Variants in MAP2K5 observed in about 807,000 individuals in gnomAD.
MAP2K5 encodes the protein mitogen-activated protein kinase kinase 5.
Under a neutral mutation model 83.1 loss-of-function variants are expected in MAP2K5, and 49 were observed. The ratio of observed to expected loss-of-function variants is 0.59; its 90% CI spans 0.47 to 0.75. The LOEUF is 0.75. Among genes scored for constraint, MAP2K5 ranks in the 30% least tolerant of loss-of-function variants. The pLI, the probability that MAP2K5 is intolerant of heterozygous loss-of-function variation, is 0.00. For synonymous variants in MAP2K5, 202 were observed against 191.8 expected, an observed-to-expected ratio of 1.05 and a Z score of -0.44; for missense variants, 457 against 557.5, an observed-to-expected ratio of 0.82 and a Z score of 1.82.
chr15:67,549,976 C>T, intron 1 of MAP2K5, 58 bp from the exon 2 acceptor site: 2 of 1,276,140 alleles, frequency 1.6e-6, no homozygotes, highest in Non-Finnish European at 2.3e-6. Flanking sequence ...TAGGATTTGC[C>T]ACATGTTAGC....
At chr15:67,615,031 C>T (rs906019305) in intron 8 of MAP2K5, among the ~76,000 whole-genome samples, 7 of 151,858 alleles carry the variant, frequency 4.6e-5, no homozygotes, top group African/African-American at 1.4e-4. Flanking sequence ...GAGTTTTGCT[C>T]TTGTTGCCCA....
In MAP2K5 at chr15:67,635,370, T is replaced by A. The variant is rs1000340840; in HGVS notation, c.585+4443T>A. On this transcript the variant is annotated intron_variant, in intron 9 of 21. Coordinates refer to ENST00000178640, the MANE Select transcript of MAP2K5 (RefSeq NM_145160.3). ...TTTTCTACTTTTAGTAGAGATGGGG[T>A]TTCACCATGTTAGGCAGGATGGTCT... 2.9e-4 allele frequency among the ~76,000 whole-genome samples: 44 copies of A among 151,900 alleles called. 1 individual carries two copies. Among genetic ancestry groups the A allele is most frequent in the African/African-American group, 1.1e-3 (44 of 41,330 alleles).
chr15:67,668,796 T>C lies in MAP2K5; in HGVS notation c.847+4151T>C, dbSNP rs1383167313. On this transcript the variant is annotated intron_variant, in intron 13 of 21. Coordinates refer to ENST00000178640, the MANE Select transcript of MAP2K5 (RefSeq NM_145160.3). This position sits in a 1 kb window ranked among gnomAD's most constrained non-coding sequence, Gnocchi z 4.0. ...ATTGGCAATCATTCTGGGGCCATCT[T>C]ACACAGATGCAGAAGTTTATAGAAG... 6.6e-6 allele frequency among the ~76,000 whole-genome samples: 1 copy of C among 152,064 alleles called. No individual in the cohort carries two copies. The highest frequency in any genetic ancestry group is 1.9e-4 in the East Asian group (1 of 5,194).
intron 8 of MAP2K5, among the ~76,000 whole-genome samples, chr15:67,608,684 A>T (rs1186515438): frequency 1.3e-5 from 2 of 152,054 alleles, no homozygotes; most frequent in African/African-American, 4.8e-5. Context: ...AAAGGGCTCC[A>T]TGACAGCTGA....
chr15:67,670,714 C>A (rs2087509140), intron 13 of MAP2K5, among the ~76,000 whole-genome samples: 1 of 151,388 alleles, frequency 6.6e-6, no homozygotes, highest in Non-Finnish European at 1.5e-5. Context: ...AGCCAGCCAA[C>A]CCCCCCACCC....
intron 12 of MAP2K5, 96 bp downstream of exon 12, chr15:67,658,710 C>G (rs1239231435): frequency 3.6e-6 from 4 of 1,109,536 alleles, no homozygotes; most frequent in Non-Finnish European, 5.4e-6. Context: ...TCTTGTTCTT[C>G]AATCCCAGTT....
chr15:67,556,075 C>T (rs535403390), intron 2 of MAP2K5, among the ~76,000 whole-genome samples: 2 of 152,320 alleles, frequency 1.3e-5, no homozygotes, highest in South Asian at 4.1e-4. Flanking sequence ...CATGAGCCAC[C>T]GTACCTGGCC....
At chr15:67,735,348 T>A (rs183537439) in intron 17 of MAP2K5, among the ~76,000 whole-genome samples, 1 of 152,350 alleles carries the variant, frequency 6.6e-6, no homozygotes, top group East Asian at 1.9e-4. Flanking sequence ...ATATCTGTAT[T>A]TGGCCAGTTA....
At position 67,748,868 on chromosome 15, in the gene MAP2K5, G is replaced by A. The variant is rs943004640; in HGVS notation, c.1134+267G>A. On this transcript the variant is annotated intron_variant, in intron 19 of 21. Transcript: ENST00000178640. This position sits in a 1 kb window ranked among gnomAD's most constrained non-coding sequence, Gnocchi z 4.0. ...AAGACAAAACACAATAATATTAATT[G>A]ACCCTCTCCCTGGCCAGATGGGGAT... Among the ~76,000 whole-genome samples the A allele has an allele frequency of 6.6e-6, 1 of 152,138 alleles. No homozygotes were observed. Among genetic ancestry groups the A allele is most frequent in the Non-Finnish European group, 1.5e-5 (1 of 68,034 alleles).
chr15:67,546,566 G>A lies in MAP2K5; in HGVS notation c.135+3096G>A, dbSNP rs984043802. The stretch of plus-strand genomic sequence containing the variant: ...CATCAGGGACTGGCTGAACTATGGA[G>A]GCTGACCTGACCCTCAAAGGTAGAG... On this transcript the variant is annotated intron_variant, in intron 1 of 21. Transcript: ENST00000178640. The A allele has an allele frequency of 3.0e-6, 3 of 985,230 alleles. No individual in the cohort carries two copies. The African/African-American group carries it at 5.2e-5, about 17-fold the overall frequency. 61.0% of individuals were successfully genotyped at this position (985,230 alleles called of 1,614,324 possible).
At chr15:67,617,933 A>G (rs1220294135) in intron 8 of MAP2K5, among the ~76,000 whole-genome samples, 3 of 152,096 alleles carry the variant, frequency 2.0e-5, no homozygotes, top group Admixed American at 6.6e-5. Flanking sequence ...GACTCAAGCA[A>G]TCCTCCCACC....
In MAP2K5 at chr15:67,563,722, C is replaced by T. The variant is rs1405137595; in HGVS notation, c.252+372C>T. On this transcript the variant is annotated intron_variant, in intron 3 of 21. Coordinates refer to ENST00000178640, the MANE Select transcript of MAP2K5 (RefSeq NM_145160.3). This position sits in a 1 kb window ranked among gnomAD's most constrained non-coding sequence, Gnocchi z 4.5. ...ACTTTCAACTGGAGATCTCTCTCAC[C>T]CTTCCAGACTATAGTTTACAATGTA... Among the ~76,000 whole-genome samples the T allele has an allele frequency of 6.6e-6, 1 of 151,690 alleles. No homozygotes were observed. Among genetic ancestry groups the T allele is most frequent in the Non-Finnish European group, 1.5e-5 (1 of 67,922 alleles).
chr15:67,805,626 G>T (rs1439802613), intron 21 of MAP2K5, among the ~76,000 whole-genome samples: 1 of 152,092 alleles, frequency 6.6e-6, no homozygotes, highest in South Asian at 2.1e-4. Context: ...GGAAGCGGCC[G>T]CTGGACAGGG....
chr15:67,650,515 G>GTTTTTTTTTTTTTTTTTTTT (rs35510441), intron 11 of MAP2K5, among the ~76,000 whole-genome samples: 1 of 144,908 alleles, frequency 6.9e-6, no homozygotes, highest in Non-Finnish European at 1.5e-5. Flanking sequence ...AGTTTGTTGA[G>GTTTTTTTTTTTTTTTTTTTT]TTTTTTTTTT....
At chr15:67,695,770 T>C (rs1176256689) in intron 15 of MAP2K5, among the ~76,000 whole-genome samples, 1 of 152,232 alleles carries the variant, frequency 6.6e-6, no homozygotes, top group Admixed American at 6.5e-5. Flanking sequence ...TTTTTATTTT[T>C]GTTTATGGAT....
Position 67,719,385 on chromosome 15 carries a change from G to T in MAP2K5, c.1045-8531G>T, listed in dbSNP as rs953807839. ...TCTCCAGGAGAGATCAGCATCAGGGGATATATCATAATCAACAAATGCTTA... is the reference window on the plus strand; with the variant it reads ...TCTCCAGGAGAGATCAGCATCAGGGTATATATCATAATCAACAAATGCTTA... On this transcript the variant is annotated intron_variant, in intron 16 of 21. Transcript: ENST00000178640. This position sits in a 1 kb window ranked among gnomAD's most constrained non-coding sequence, Gnocchi z 4.6. 1.3e-5 allele frequency among the ~76,000 whole-genome samples: 2 copies of T among 152,106 alleles called. No individual in the cohort carries two copies. The highest frequency in any genetic ancestry group is 4.8e-5 in the African/African-American group (2 of 41,406).
In MAP2K5 at chr15:67,783,330, C is replaced by T. The variant is rs1199746868; in HGVS notation, c.1242+10578C>T. On this transcript the variant is annotated intron_variant, in intron 21 of 21. Transcript: ENST00000178640. The surrounding 1 kb of genome is among the most constrained non-coding windows in gnomAD (Gnocchi z 5.1). ...CTTCTCCTCCCACCCTCACCTACCC[C>T]TTCACCTCAGGCCACTCCTGTGGAG... Among the ~76,000 whole-genome samples the T allele has an allele frequency of 3.3e-5, 5 of 152,178 alleles. No individual in the cohort carries two copies. The highest frequency in any genetic ancestry group is 7.3e-5 in the Non-Finnish European group (5 of 68,046).
chr15:67,569,947 A>G (rs2084918037), intron 3 of MAP2K5, among the ~76,000 whole-genome samples: 1 of 152,224 alleles, frequency 6.6e-6, no homozygotes, highest in African/African-American at 2.4e-5. Context: ...TGAAGCTGCT[A>G]TTAAAACTTC....
chr15:67,626,871 C>G (rs2086337752), intron 8 of MAP2K5, among the ~76,000 whole-genome samples: 1 of 152,020 alleles, frequency 6.6e-6, no homozygotes, highest in African/African-American at 2.4e-5. Flanking sequence ...GCAGTGCACT[C>G]CAGCCTGGGA....
Sources: allele counts gnomAD v4.1 joint callset (sites outside exome capture counted in the v4.1 genomes callset), GRCh38; gene constraint gnomAD v4.1.1; non-coding constraint Gnocchi (gnomAD v3.1); transcripts MANE v1.5; gene names NCBI Gene and HGNC (gene_info 2026-07-23, HGNC 2026-07-21).